Variants in PITPNC1 observed in about 807,000 individuals in gnomAD.
PITPNC1 encodes phosphatidylinositol transfer protein cytoplasmic 1, also known as cytoplasmic phosphatidylinositol transfer protein 1.
PITPNC1 carries 18 observed loss-of-function variants against 44.7 expected under a neutral mutation model. The observed-to-expected ratio is 0.40, with a 90% CI of 0.28 to 0.60. PITPNC1 has a LOEUF of 0.60. PITPNC1 is among the 20% of genes least tolerant of loss of function. PITPNC1 has a pLI of 0.39. For synonymous variants in PITPNC1, 141 were observed against 149.6 expected, an observed-to-expected ratio of 0.94 and a Z score of 0.42; for missense variants, 290 against 418.4, an observed-to-expected ratio of 0.69 and a Z score of 2.68.
intron 4 of PITPNC1, among the ~76,000 whole-genome samples, chr17:67,567,914 A>G (rs1020503191): frequency 9.9e-5 from 15 of 151,250 alleles, no homozygotes; most frequent in Admixed American, 5.9e-4. Context: ...TGGAATTGCA[A>G]TGAGCCAAGA....
At chr17:67,673,667 G>A (rs2042549667) in intron 7 of PITPNC1, among the ~76,000 whole-genome samples, 1 of 151,866 alleles carries the variant, frequency 6.6e-6, no homozygotes, top group Non-Finnish European at 1.5e-5. Flanking sequence ...TTTAAAAATT[G>A]AGGCCAGGCG....
In PITPNC1 at chr17:67,614,370, A is replaced by G. The variant is rs190815962; in HGVS notation, c.367-17773A>G. On this transcript the variant is annotated intron_variant, in intron 5 of 8. Transcript: ENST00000581322. The stretch of plus-strand genomic sequence containing the variant: ...TGTGATAAGAAAAAAGGAGAAAAGA[A>G]AATGTTATTAAAAAAATTGGCCAGG... Among the ~76,000 whole-genome samples, 106 of 152,204 alleles carry G rather than the reference A, an allele frequency of 7.0e-4. 1 individual carries two copies. The East Asian group carries it at 0.014, about 21-fold the overall frequency.
intron 4 of PITPNC1, 23 bp downstream of exon 4, chr17:67,553,640 T>C (rs1355583225): frequency 9.2e-7 from 1 of 1,091,534 alleles, no homozygotes; most frequent in Non-Finnish European, 1.3e-6. Flanking sequence ...TAATTATTTT[T>C]AAACATTCTG....
chr17:67,406,232 T>A (rs935659481), intron 1 of PITPNC1, among the ~76,000 whole-genome samples: 1 of 152,138 alleles, frequency 6.6e-6, no homozygotes, highest in Non-Finnish European at 1.5e-5. Flanking sequence ...AGCCTTGAAC[T>A]CCTGGGCTCA....
At chr17:67,421,988 A>C (rs2038678152) in intron 1 of PITPNC1, among the ~76,000 whole-genome samples, 1 of 152,204 alleles carries the variant, frequency 6.6e-6, no homozygotes, top group African/African-American at 2.4e-5. Context: ...ATGACCTCGA[A>C]TTGAAGTTGA....
At chr17:67,535,083 A>G (rs1210836929) in intron 2 of PITPNC1, among the ~76,000 whole-genome samples, 3 of 152,260 alleles carry the variant, frequency 2.0e-5, no homozygotes, top group African/African-American at 4.8e-5. Context: ...TAATTTGCCC[A>G]GAGATGCAGT....
At chr17:67,662,800 C>G (rs986773965) in intron 6 of PITPNC1, among the ~76,000 whole-genome samples, 4 of 152,002 alleles carry the variant, frequency 2.6e-5, no homozygotes, top group Non-Finnish European at 5.9e-5. Flanking sequence ...CTTTTAGATA[C>G]AGGGGGTACA....
At chr17:67,489,135 C>T (rs184251427) in intron 1 of PITPNC1, among the ~76,000 whole-genome samples, 15 of 152,244 alleles carry the variant, frequency 9.9e-5, no homozygotes, top group South Asian at 2.1e-4. Context: ...ATGGGTCATA[C>T]GGTAACAGAC....
chr17:67,621,243 T>C (rs1053217871), intron 5 of PITPNC1, among the ~76,000 whole-genome samples: 3 of 132,248 alleles, frequency 2.3e-5, no homozygotes, highest in Admixed American at 7.8e-5. Flanking sequence ...AGTTTCACTC[T>C]GTCACCCAGG....
chr17:67,570,618 C>T (rs1007367486), intron 4 of PITPNC1, among the ~76,000 whole-genome samples: 3 of 152,300 alleles, frequency 2.0e-5, no homozygotes, highest in African/African-American at 2.4e-5. Context: ...TTCGTTATCT[C>T]TTTTCATTCT....
chr17:67,486,155 C>T (rs565551791), intron 1 of PITPNC1, among the ~76,000 whole-genome samples: 116 of 152,022 alleles, frequency 7.6e-4, no homozygotes, highest in Non-Finnish European at 1.5e-3. Context: ...AGAAAATTCT[C>T]CCTTTACATA....
At chr17:67,405,609 C>CTTTTT (rs748815813) in intron 1 of PITPNC1, among the ~76,000 whole-genome samples, 1 of 142,002 alleles carries the variant, frequency 7.0e-6, no homozygotes. Flanking sequence ...TTCTTTCTTT[C>CTTTTT]TTTTTTTTTT....
chr17:67,548,297 A>T (rs1027897181), intron 2 of PITPNC1, among the ~76,000 whole-genome samples: 7 of 152,202 alleles, frequency 4.6e-5, no homozygotes, highest in Admixed American at 6.5e-5. Flanking sequence ...AACGTTTAAA[A>T]GTAAGAACCC....
intron 6 of PITPNC1, among the ~76,000 whole-genome samples, chr17:67,632,586 C>CTT (rs1194543004): frequency 5.0e-5 from 5 of 99,136 alleles, no homozygotes; most frequent in African/African-American, 3.7e-5. Flanking sequence ...TTTTTTTTTT[C>CTT]TTTTTTTTTT....
intron 1 of PITPNC1, among the ~76,000 whole-genome samples, chr17:67,527,017 G>A (rs2040399539): frequency 6.7e-6 from 1 of 150,332 alleles, no homozygotes; most frequent in African/African-American, 2.4e-5. Context: ...CTGTAATGAT[G>A]ATTACCCAAA....
At chr17:67,681,608 CAAAAAAAAAAA>C (rs5821459) in intron 8 of PITPNC1, among the ~76,000 whole-genome samples, 571 of 36,470 alleles carry the variant, frequency 0.016, 8 homozygotes, top group African/African-American at 0.046. Flanking sequence ...AACCCTATCT[CAAAAAAAAAAA>C]AAAAAAAAAA....
At chr17:67,579,010 A>G (rs2041189577) in intron 5 of PITPNC1, among the ~76,000 whole-genome samples, 1 of 152,218 alleles carries the variant, frequency 6.6e-6, no homozygotes, top group African/African-American at 2.4e-5. Flanking sequence ...AAAAGGAAAT[A>G]GAATCAGATA....
intron 1 of PITPNC1, among the ~76,000 whole-genome samples, chr17:67,420,701 G>T (rs1401248366): frequency 1.3e-5 from 2 of 152,022 alleles, no homozygotes; most frequent in Non-Finnish European, 2.9e-5. Context: ...CAAAGTGCTG[G>T]GATTACAGGC....
intron 8 of PITPNC1, among the ~76,000 whole-genome samples, chr17:67,682,410 C>T (rs573676171): frequency 6.6e-6 from 1 of 152,230 alleles, no homozygotes; most frequent in Admixed American, 6.5e-5. Flanking sequence ...TTGGCCTCAG[C>T]CCAGTCACTG....
Sources: gnomAD v4.1 joint callset for allele counts (sites outside exome capture counted in the v4.1 genomes callset) on GRCh38, gnomAD v4.1.1 for gene constraint, MANE v1.5 for transcripts, NCBI Gene and HGNC (gene_info 2026-07-23, HGNC 2026-07-21) for gene names.